Variants in GRID2 observed in about 807,000 individuals in gnomAD.
GRID2 encodes glutamate receptor ionotropic, delta-2.
In GRID2, 33 loss-of-function variants were observed where a neutral mutation model predicts 114.8. The ratio of observed to expected loss-of-function variants is 0.29; its 90% CI spans 0.22 to 0.38. The LOEUF (loss-of-function observed/expected upper bound fraction) is 0.38. Among genes scored for constraint, GRID2 ranks in the 10% least tolerant of loss-of-function variants. GRID2 has a pLI of 1.00. For synonymous variants in GRID2, 505 were observed against 449.9 expected (o/e 1.12, Z -1.55); for missense variants, 1,184 against 1,257.7 (o/e 0.94, Z 0.89).
At chr4:92,911,770 TA>T in intron 2 of GRID2, among the ~76,000 whole-genome samples, 1 of 151,356 alleles carries the variant, frequency 6.6e-6, no homozygotes, top group East Asian at 1.9e-4. Flanking sequence ...TATTGGCAAA[TA>T]AATGCCTTTT....
intron 2 of GRID2, among the ~76,000 whole-genome samples, chr4:92,893,804 G>C (rs1746966121): frequency 6.6e-6 from 1 of 152,148 alleles, no homozygotes; most frequent in Non-Finnish European, 1.5e-5. Flanking sequence ...TGAGATTTAT[G>C]AGGATAAGTT....
chr4:93,219,621 A>G (rs765734874), intron 6 of GRID2, among the ~76,000 whole-genome samples: 2 of 152,184 alleles, frequency 1.3e-5, no homozygotes, highest in Non-Finnish European at 2.9e-5. Flanking sequence ...GCATTTCACA[A>G]ATTTTTTAAT....
chr4:93,239,638 A>G (rs1450654374), intron 8 of GRID2, among the ~76,000 whole-genome samples: 1 of 151,596 alleles, frequency 6.6e-6, no homozygotes, highest in East Asian at 1.9e-4. Context: ...TGAAACATAT[A>G]GAAAACTGCA....
chr4:92,526,807 A>G (rs1452821801), intron 1 of GRID2, among the ~76,000 whole-genome samples: 2 of 151,966 alleles, frequency 1.3e-5, no homozygotes, highest in African/African-American at 4.8e-5. Flanking sequence ...TGATTTTTCA[A>G]TGTTATGATG....
intron 11 of GRID2, among the ~76,000 whole-genome samples, chr4:93,479,481 T>C (rs911047514): frequency 1.3e-5 from 2 of 152,068 alleles, no homozygotes; most frequent in African/African-American, 4.8e-5. Context: ...TGACAGGCTG[T>C]CTGCAACCTA....
chr4:92,876,180 T>C (rs964602579), intron 2 of GRID2, among the ~76,000 whole-genome samples: 3 of 152,012 alleles, frequency 2.0e-5, no homozygotes, highest in South Asian at 4.1e-4. Flanking sequence ...TGTCACCTTA[T>C]ATATTTAAAA....
chr4:93,477,238 T>C (rs1171109670), intron 11 of GRID2, among the ~76,000 whole-genome samples: 1 of 152,104 alleles, frequency 6.6e-6, no homozygotes, highest in Admixed American at 6.6e-5. Context: ...AGCCTGCTCC[T>C]AAAATAATGA....
chr4:92,805,375 C>G (rs1443486464), intron 2 of GRID2, among the ~76,000 whole-genome samples: 1 of 151,868 alleles, frequency 6.6e-6, no homozygotes, highest in Non-Finnish European at 1.5e-5. Context: ...ATAGAAATTA[C>G]TATAAAAAGA....
At chr4:93,131,884 T>C (rs188415771) in intron 4 of GRID2, among the ~76,000 whole-genome samples, 1 of 152,316 alleles carries the variant, frequency 6.6e-6, no homozygotes, top group East Asian at 1.9e-4. Flanking sequence ...ATAGAGCCGT[T>C]ATCTAGGAAC....
At chr4:93,316,320 GAAA>G (rs1269830235) in intron 8 of GRID2, among the ~76,000 whole-genome samples, 25 of 93,056 alleles carry the variant, frequency 2.7e-4, no homozygotes, top group African/African-American at 7.6e-4. Context: ...AAGAAAGAAA[GAAA>G]GAAAGAAAGA....
At chr4:93,043,932 A>AT (rs1725873703) in intron 2 of GRID2, among the ~76,000 whole-genome samples, 8 of 149,620 alleles carry the variant, frequency 5.3e-5, no homozygotes, top group African/African-American at 1.5e-4. Flanking sequence ...TATATATATA[A>AT]AAATAAAAAA....
intron 14 of GRID2, among the ~76,000 whole-genome samples, chr4:93,663,015 G>A (rs191492295): frequency 3.0e-4 from 45 of 152,230 alleles, no homozygotes; most frequent in African/African-American, 8.7e-4. Flanking sequence ...GGTATCAAGC[G>A]AACTCATTGT....
intron 5 of GRID2, among the ~76,000 whole-genome samples, chr4:93,212,692 T>C (rs1463901406): frequency 6.6e-6 from 1 of 152,192 alleles, no homozygotes; most frequent in Non-Finnish European, 1.5e-5. Context: ...TTACTTAATT[T>C]GAATAGTGTA....
Position 93,461,707 on chromosome 4 carries a change from A to G in GRID2, c.1858+5733A>G, listed in dbSNP as rs948829929. Among the ~76,000 whole-genome samples, 3 of 152,150 alleles carry G rather than the reference A, an allele frequency of 2.0e-5. No individual in the cohort carries two copies. In the South Asian group the frequency reaches 6.2e-4, roughly 31 times the overall value. ...GGTCCATTATAGAGATAAACTCAGT[A>G]CATCTGTTTGGCTGGAACATTAAGA... On this transcript the variant is annotated intron_variant, in intron 11 of 15. Coordinates refer to ENST00000282020, the MANE Select transcript of GRID2 (RefSeq NM_001510.4).
At chr4:92,788,097 G>T (rs542706711) in intron 2 of GRID2, among the ~76,000 whole-genome samples, 1 of 151,914 alleles carries the variant, frequency 6.6e-6, no homozygotes, top group South Asian at 2.1e-4. Context: ...CAAACCATGA[G>T]CTTGGATAAG....
chr4:92,411,649 G>GTATATACATATATA (rs1320090236), intron 1 of GRID2, among the ~76,000 whole-genome samples: 5 of 94,922 alleles, frequency 5.3e-5, no homozygotes, highest in Non-Finnish European at 8.4e-5. Context: ...GTGTGTGTGT[G>GTATATACATATATA]TGTGTGTATA....
rs901351040 is a variant in GRID2, at chr4:93,772,669, TTC to T, written c.*177_*178del. On this transcript the variant is annotated 3_prime_UTR_variant, in exon 16 of 16. Coordinates refer to ENST00000282020, the MANE Select transcript of GRID2 (RefSeq NM_001510.4). ...TCCCTCTCCTCTCTCCTCTATGATT[TTC>T]TCTCTTTCCCCCTCCCTTCCTGTAC... 5.5e-5 allele frequency: 30 copies of T among 550,212 alleles called. No individual in the cohort carries two copies. Among genetic ancestry groups the T allele is most frequent in the Middle Eastern group, 9.0e-4 (2 of 2,224 alleles). The allele number at this position is 550,212 out of a possible 1,614,324, so 34.1% of individuals were successfully genotyped here. A position where few individuals can be genotyped will look rare whatever the true frequency, so the allele number is the denominator to read the frequency against.
At position 92,789,517 on chromosome 4, in the gene GRID2, A is replaced by G. The variant is rs138708031; in HGVS notation, c.244+199231A>G. On this transcript the variant is annotated intron_variant, in intron 2 of 15. Transcript: ENST00000282020. ...GACTTGCCTGTCTCTTATGCCTTTGACCAATCTTCCAATTAACTCTCTCCT... is the reference window on the plus strand; with the variant it reads ...GACTTGCCTGTCTCTTATGCCTTTGGCCAATCTTCCAATTAACTCTCTCCT... Among the ~76,000 whole-genome samples the G allele has an allele frequency of 3.4e-3, 521 of 151,910 alleles. 8 individuals are homozygous for G. The highest frequency in any genetic ancestry group is 0.012 in the African/African-American group (492 of 41,480).
intron 2 of GRID2, among the ~76,000 whole-genome samples, chr4:92,843,253 A>T (rs1020892928): frequency 1.1e-4 from 16 of 152,088 alleles, no homozygotes; most frequent in African/African-American, 3.9e-4. Context: ...GAAAAAAAAT[A>T]AAATAATAAA....
Sources: allele counts gnomAD v4.1 joint callset (sites outside exome capture counted in the v4.1 genomes callset), GRCh38; gene constraint gnomAD v4.1.1; transcripts MANE v1.5; gene names NCBI Gene and HGNC (gene_info 2026-07-23, HGNC 2026-07-21).